ABTB3: variants seen among roughly 807,000 people sequenced by gnomAD.
ABTB3 encodes the protein ankyrin repeat- and BTB/POZ domain-containing protein 3.
chr12:107,512,426 G>A, the ABTB3 span, among the ~76,000 whole-genome samples: 4 of 152,222 alleles, frequency 2.6e-5, no homozygotes, highest in Non-Finnish European at 5.9e-5. Flanking sequence ...TCCCATGGGG[G>A]CAAATTGTAA....
At chr12:107,476,465 G>A in the ABTB3 span, among the ~76,000 whole-genome samples, 12 of 152,056 alleles carry the variant, frequency 7.9e-5, no homozygotes, top group Non-Finnish European at 1.3e-4. Flanking sequence ...ACCTGAATGT[G>A]TCAGACAATC....
the ABTB3 span, chr12:107,617,597 G>T: frequency 2.3e-6 from 2 of 856,068 alleles, no homozygotes; most frequent in Non-Finnish European, 3.5e-6. Flanking sequence ...CTACCTGCCA[G>T]CTGACAGCCA....
At chr12:107,389,136 A>C in the ABTB3 span, among the ~76,000 whole-genome samples, 2 of 152,380 alleles carry the variant, frequency 1.3e-5, no homozygotes, top group Middle Eastern at 3.4e-3. Flanking sequence ...CTTATTTTGA[A>C]TACTTGAGGT....
At chr12:107,535,682 A>T in the ABTB3 span, among the ~76,000 whole-genome samples, 16,444 of 152,226 alleles carry the variant, frequency 0.11, 951 homozygotes, top group African/African-American at 0.14. Context: ...CTACAAAAAA[A>T]TTGCCTAGGG....
the ABTB3 span, among the ~76,000 whole-genome samples, chr12:107,596,800 T>A: frequency 6.6e-6 from 1 of 152,138 alleles, no homozygotes; most frequent in East Asian, 1.9e-4. Context: ...CTTCCTTAAG[T>A]TCTTTTCCAG....
the ABTB3 span, chr12:107,581,213 C>A: frequency 6.5e-7 from 1 of 1,534,586 alleles, no homozygotes. Context: ...GCACGCCGGC[C>A]ACCGCCGCAG....
At chr12:107,569,888 G>A in the ABTB3 span, among the ~76,000 whole-genome samples, 1 of 152,180 alleles carries the variant, frequency 6.6e-6, no homozygotes, top group Admixed American at 6.5e-5. Flanking sequence ...TTATCAACAA[G>A]TGGCTTCCAC....
the ABTB3 span, among the ~76,000 whole-genome samples, chr12:107,607,815 T>C: frequency 2.0e-5 from 3 of 152,158 alleles, no homozygotes; most frequent in East Asian, 3.9e-4. Context: ...ATGAGTGATG[T>C]GTCAGATGAG....
chr12:107,387,319 C>G, the ABTB3 span, among the ~76,000 whole-genome samples: 1 of 152,200 alleles, frequency 6.6e-6, no homozygotes, highest in African/African-American at 2.4e-5. Context: ...ATTCTCCCCC[C>G]ACCCTTGAGC....
At chr12:107,626,499 G>C in the ABTB3 span, among the ~76,000 whole-genome samples, 2 of 151,908 alleles carry the variant, frequency 1.3e-5, no homozygotes, top group Non-Finnish European at 2.9e-5. Flanking sequence ...GCACCCACCA[G>C]TATGCCCGGC....
chr12:107,617,386 C>A, the ABTB3 span: 2 of 1,614,150 alleles, frequency 1.2e-6, no homozygotes, highest in South Asian at 1.1e-5. Flanking sequence ...TTTCTACAAC[C>A]CCCCAGGGTG....
chr12:107,382,099 C>A, the ABTB3 span, among the ~76,000 whole-genome samples: 18 of 152,178 alleles, frequency 1.2e-4, no homozygotes, highest in Non-Finnish European at 1.9e-4. Flanking sequence ...TTAACAAGAA[C>A]AAATTGGCCA....
the ABTB3 span, among the ~76,000 whole-genome samples, chr12:107,332,497 C>T: frequency 1.3e-5 from 2 of 152,124 alleles, no homozygotes; most frequent in African/African-American, 4.8e-5. Flanking sequence ...ATCCCTGGTT[C>T]TCGGTGCCTG....
chr12:107,329,738 A>G, the ABTB3 span, among the ~76,000 whole-genome samples: 1 of 152,244 alleles, frequency 6.6e-6, no homozygotes, highest in Non-Finnish European at 1.5e-5. Flanking sequence ...AGTGCCTGAC[A>G]TGTAGAAATT....
the ABTB3 span, among the ~76,000 whole-genome samples, chr12:107,633,168 T>C: frequency 6.6e-6 from 1 of 152,142 alleles, no homozygotes; most frequent in Non-Finnish European, 1.5e-5. Context: ...GGTGGTGATA[T>C]TGGGAGGTGG....
At chr12:107,522,828 G>GGGAAT in the ABTB3 span, among the ~76,000 whole-genome samples, 3 of 151,156 alleles carry the variant, frequency 2.0e-5, no homozygotes, top group Non-Finnish European at 3.0e-5. Flanking sequence ...GGGAAGGGAA[G>GGGAAT]GAGGGAGGGA....
chr12:107,508,445 T>TTTTTTTTTG, the ABTB3 span, among the ~76,000 whole-genome samples: 11 of 74,082 alleles, frequency 1.5e-4, no homozygotes, highest in South Asian at 1.9e-3. Flanking sequence ...TTTCTTTTTT[T>TTTTTTTTTG]TTTTTTTTTT....
the ABTB3 span, chr12:107,319,521 C>T: frequency 3.2e-6 from 5 of 1,565,436 alleles, no homozygotes; most frequent in Admixed American, 3.7e-5. Context: ...ATGAGCAGCG[C>T]CGGCGGCGAC....
chr12:107,476,779 G>T, the ABTB3 span, among the ~76,000 whole-genome samples: 1 of 151,716 alleles, frequency 6.6e-6, no homozygotes, highest in Admixed American at 6.6e-5. Flanking sequence ...CTCCTTGAAG[G>T]CAGGGAATGT....
Sources: gnomAD v4.1 joint callset for allele counts (sites outside exome capture counted in the v4.1 genomes callset) on GRCh38, gnomAD v4.1.1 for gene constraint, MANE v1.5 for transcripts, NCBI Gene and HGNC (gene_info 2026-07-23, HGNC 2026-07-21) for gene names.